The following GFRA2 variants were observed in gnomAD, a reference collection of about 807,000 sequenced individuals.
GFRA2 encodes GDNF family receptor alpha 2.
In GFRA2, 17 loss-of-function variants were observed where a neutral mutation model predicts 48.3. The ratio of observed to expected loss-of-function variants is 0.35; its 90% CI spans 0.24 to 0.53. GFRA2 has a LOEUF of 0.53. Among genes scored for constraint, GFRA2 ranks in the 20% least tolerant of loss-of-function variants. The pLI, the probability that GFRA2 is intolerant of heterozygous loss-of-function variation, is 0.93. For synonymous variants in GFRA2, 305 were observed against 257.2 expected, an observed-to-expected ratio of 1.19 and a Z score of -1.78; for missense variants, 660 against 637.3, an observed-to-expected ratio of 1.04 and a Z score of -0.38.
At chr8:21,761,353 A>G (rs748533210) in intron 3 of GFRA2, among the ~76,000 whole-genome samples, 3 of 152,254 alleles carry the variant, frequency 2.0e-5, no homozygotes, top group Non-Finnish European at 4.4e-5. Flanking sequence ...AGCTCAGGTG[A>G]GAGATCACAA....
Position 21,705,920 on chromosome 8 carries a change from G to C in GFRA2, c.904+12C>G. 6.6e-7 allele frequency: 1 copy of C among 1,517,496 alleles called. No individual in the cohort carries two copies. Among genetic ancestry groups the C allele is most frequent in the Non-Finnish European group, 9.0e-7 (1 of 1,114,784 alleles). The allele number at this position is 1,517,496 out of a possible 1,614,324, so 94.0% of individuals were successfully genotyped here. On this transcript the variant is annotated intron_variant, in intron 5 of 8. Coordinates refer to ENST00000524240, the MANE Select transcript of GFRA2 (RefSeq NM_001495.5). The stretch of plus-strand genomic sequence containing the variant: ...AGGACCCACAGAGCCCAGGTGAGCA[G>C]GAAGAGCTTACCAATCATGCCAGCA...
At chr8:21,752,065 A>G (rs73537604) in intron 3 of GFRA2, among the ~76,000 whole-genome samples, 1,725 of 152,282 alleles carry the variant, frequency 0.011, 26 homozygotes, top group African/African-American at 0.039. Context: ...TATCTACCAC[A>G]TAGGGCCTTT....
chr8:21,714,286 C>G (rs968840645), intron 4 of GFRA2, among the ~76,000 whole-genome samples: 1 of 108,286 alleles, frequency 9.2e-6, no homozygotes, highest in Admixed American at 1.4e-4. Flanking sequence ...GGGTCTCACT[C>G]TGTCGCCAAG....
At chr8:21,725,817 T>G (rs1803841087) in intron 4 of GFRA2, among the ~76,000 whole-genome samples, 1 of 152,212 alleles carries the variant, frequency 6.6e-6, no homozygotes, top group Non-Finnish European at 1.5e-5. Flanking sequence ...CTCAGAGGCA[T>G]GCACATGTTG....
intron 4 of GFRA2, among the ~76,000 whole-genome samples, chr8:21,744,407 G>A (rs1266678014): frequency 5.9e-5 from 9 of 152,132 alleles, no homozygotes; most frequent in Admixed American, 2.6e-4. Flanking sequence ...GAGATGGCAC[G>A]GAGCCAGCAA....
At chr8:21,733,614 G>A (rs1020904397) in intron 4 of GFRA2, among the ~76,000 whole-genome samples, 8 of 152,160 alleles carry the variant, frequency 5.3e-5, no homozygotes, top group Non-Finnish European at 7.3e-5. Context: ...GGCTGAGCCC[G>A]GGCCCACTGG....
rs575158479 is a variant in GFRA2 at position 21,744,586 on chromosome 8, C to T, written c.794+6002G>A. On this transcript the variant is annotated intron_variant, in intron 4 of 8. Coordinates refer to ENST00000524240, the MANE Select transcript of GFRA2 (RefSeq NM_001495.5). Reference sequence around the variant, plus strand: ...ACACACACACACACACACACACACACAATCTGAGCCCATCTTTGCAATGGC... The same window carrying T: ...ACACACACACACACACACACACACATAATCTGAGCCCATCTTTGCAATGGC... Among the ~76,000 whole-genome samples, 804 of 144,696 alleles carry T rather than the reference C, an allele frequency of 5.6e-3. 4 individuals carry two copies. The highest frequency in any genetic ancestry group is 8.7e-3 in the Non-Finnish European group (567 of 64,892). The allele number at this position is 144,696 out of a possible 152,430, so 94.9% of individuals were successfully genotyped here. A position where few individuals can be genotyped will look rare whatever the true frequency, so the allele number is the denominator to read the frequency against.
chr8:21,811,661 C>G (rs1413603647), intron 1 of GFRA2, among the ~76,000 whole-genome samples: 1 of 152,058 alleles, frequency 6.6e-6, no homozygotes, highest in Non-Finnish European at 1.5e-5. Flanking sequence ...CATACAAGTC[C>G]TCCCCCCGCC....
At chr8:21,790,382 C>T (rs1807538340), upstream of GFRA2, among the ~76,000 whole-genome samples, 1 of 152,210 alleles carries the variant, frequency 6.6e-6, no homozygotes, top group Admixed American at 6.5e-5. Flanking sequence ...TTGATAGTAC[C>T]GTTTAAGATG....
intron 7 of GFRA2, among the ~76,000 whole-genome samples, chr8:21,695,820 G>A (rs1407602152): frequency 1.3e-5 from 2 of 152,048 alleles, no homozygotes; most frequent in East Asian, 1.9e-4. Flanking sequence ...CTGTCCTCCC[G>A]AGTCCCTTGG....
At chr8:21,715,694 TCAG>T (rs1803297141) in intron 4 of GFRA2, among the ~76,000 whole-genome samples, 4 of 152,194 alleles carry the variant, frequency 2.6e-5, no homozygotes, top group Admixed American at 2.6e-4. Flanking sequence ...GGAAATAATG[TCAG>T]CTGGGCCCAA....
intron 2 of GFRA2, among the ~76,000 whole-genome samples, chr8:21,782,256 T>TTGCTCCTACCCAACCCC (rs1807027631): frequency 6.6e-6 from 1 of 151,508 alleles, no homozygotes; most frequent in African/African-American, 2.4e-5. Flanking sequence ...TCACGTGGTC[T>TTGCTCCTACCCAACCCC]TGCTCCTACC....
intron 4 of GFRA2, among the ~76,000 whole-genome samples, chr8:21,720,378 A>C (rs1803537294): frequency 6.6e-6 from 1 of 152,176 alleles, no homozygotes; most frequent in Admixed American, 6.5e-5. Context: ...CCTCATCCAT[A>C]AAAGGGGGCA....
intron 4 of GFRA2, among the ~76,000 whole-genome samples, chr8:21,745,746 G>T (rs1031211557): frequency 4.6e-5 from 7 of 152,160 alleles, no homozygotes; most frequent in African/African-American, 1.7e-4. Flanking sequence ...CACTTTTGTG[G>T]ATTCTGGGGA....
intron 4 of GFRA2, among the ~76,000 whole-genome samples, chr8:21,730,382 A>G (rs1463513204): frequency 7.0e-6 from 1 of 143,146 alleles, no homozygotes; most frequent in Non-Finnish European, 1.5e-5. Context: ...CAGCCTGGGC[A>G]ACAAGAGCAA....
chr8:21,708,196 G>C (rs1239481760), intron 4 of GFRA2, among the ~76,000 whole-genome samples: 4 of 152,222 alleles, frequency 2.6e-5, no homozygotes, highest in Admixed American at 1.3e-4. Flanking sequence ...AGGAAACGAG[G>C]AGGAAATCTG....
At chr8:21,792,032 TG>T (rs1807582067), upstream of GFRA2, among the ~76,000 whole-genome samples, 1 of 152,234 alleles carries the variant, frequency 6.6e-6, no homozygotes, top group African/African-American at 2.4e-5. Context: ...CTGAGCCTCC[TG>T]CCCACAGCCC....
intron 4 of GFRA2, among the ~76,000 whole-genome samples, chr8:21,725,494 T>C (rs1406359013): frequency 6.6e-6 from 1 of 152,274 alleles, no homozygotes; most frequent in Non-Finnish European, 1.5e-5. Flanking sequence ...ATTTTTATGC[T>C]GTTTGTTTTC....
chr8:21,777,210 A>C (rs1217860252), intron 2 of GFRA2, among the ~76,000 whole-genome samples: 3 of 152,234 alleles, frequency 2.0e-5, no homozygotes, highest in Non-Finnish European at 4.4e-5. Flanking sequence ...ACTGCTGTGA[A>C]TACTGTCTCC....
Sources: allele counts gnomAD v4.1 joint callset (sites outside exome capture counted in the v4.1 genomes callset), GRCh38; gene constraint gnomAD v4.1.1; transcripts MANE v1.5; gene names NCBI Gene and HGNC (gene_info 2026-07-23, HGNC 2026-07-21).